The following COL24A1 variants were observed in gnomAD, a reference collection of about 807,000 sequenced individuals.
COL24A1 encodes collagen type XXIV alpha 1 chain.
Under a neutral mutation model 253.9 loss-of-function variants are expected in COL24A1, and 224 were observed. The ratio of observed to expected loss-of-function variants is 0.88; its 90% CI spans 0.79 to 0.99. The LOEUF (loss-of-function observed/expected upper bound fraction) is 0.99, where lower values mean the gene tolerates loss of function less well. COL24A1 is among the 50% of genes least tolerant of loss of function. COL24A1 has a pLI of 0.00. For missense variants in COL24A1, 2,131 were observed against 2,068.5 expected, an observed-to-expected ratio of 1.03 and a Z score of -0.59; for synonymous variants, 685 against 673.7, an observed-to-expected ratio of 1.02 and a Z score of -0.26.
chr1:85,804,566 G>A (rs749408220), intron 47 of COL24A1, among the ~76,000 whole-genome samples: 1 of 152,186 alleles, frequency 6.6e-6, no homozygotes, highest in Non-Finnish European at 1.5e-5. Flanking sequence ...TCACAATTAT[G>A]GTGGAAGGCA....
At chr1:85,759,066 G>T (rs1284792171) in intron 55 of COL24A1, among the ~76,000 whole-genome samples, 2 of 151,926 alleles carry the variant, frequency 1.3e-5, no homozygotes, top group African/African-American at 4.8e-5. Flanking sequence ...CTTATGATCC[G>T]CTGACCAATG....
At chr1:85,834,004 A>G (rs1240633084) in intron 43 of COL24A1, among the ~76,000 whole-genome samples, 1 of 151,398 alleles carries the variant, frequency 6.6e-6, no homozygotes, top group Non-Finnish European at 1.5e-5. Context: ...ATTAGGAGCT[A>G]TACCTAATGC....
intron 37 of COL24A1, among the ~76,000 whole-genome samples, chr1:85,855,268 T>C (rs1300292030): frequency 6.6e-6 from 1 of 152,102 alleles, no homozygotes; most frequent in Non-Finnish European, 1.5e-5. Context: ...CAGTACTATA[T>C]TAAGTAGGAG....
At chr1:85,777,036 A>G (rs181654496) in intron 52 of COL24A1, among the ~76,000 whole-genome samples, 272 of 151,580 alleles carry the variant, frequency 1.8e-3, no homozygotes, top group African/African-American at 5.1e-3. Flanking sequence ...TACAACCTCC[A>G]CCTCCTGGGT....
chr1:85,874,823 C>A, intron 34 of COL24A1, 121 bp from the exon 35 acceptor site: 1 of 1,054,242 alleles, frequency 9.5e-7, no homozygotes, highest in Non-Finnish European at 1.4e-6. Flanking sequence ...CTGTCCAAGG[C>A]CTGTTAGGAA....
intron 24 of COL24A1, among the ~76,000 whole-genome samples, chr1:85,925,851 C>T (rs1197583648): frequency 1.3e-5 from 2 of 152,090 alleles, no homozygotes; most frequent in Non-Finnish European, 2.9e-5. Flanking sequence ...AGAGCTTCTG[C>T]ACAGAAAAAG....
intron 14 of COL24A1, among the ~76,000 whole-genome samples, chr1:86,025,300 A>G (rs1269363191): frequency 6.6e-6 from 1 of 152,208 alleles, no homozygotes; most frequent in Non-Finnish European, 1.5e-5. Context: ...GGGATATGGC[A>G]TCAGAGACAG....
In COL24A1 at chr1:85,908,590, G is replaced by T; in HGVS notation, c.2724+8C>A. The T allele has an allele frequency of 7.0e-7, 1 of 1,432,806 alleles. No individual in the cohort carries two copies. The highest frequency in any genetic ancestry group is 9.4e-7 in the Non-Finnish European group (1 of 1,060,692). 88.8% of individuals were successfully genotyped at this position (1,432,806 alleles called of 1,614,324 possible). On this transcript the variant is annotated splice_region_variant and intron_variant, in intron 27 of 59. Transcript: ENST00000370571. ...CGGAAGGAATCATAAAGTCTTTCCT[G>T]TACTTACAGGTAATCCCAATGGACC...
At chr1:86,049,569 G>C (rs1303529768) in intron 11 of COL24A1, among the ~76,000 whole-genome samples, 1 of 152,038 alleles carries the variant, frequency 6.6e-6, no homozygotes, top group Non-Finnish European at 1.5e-5. Flanking sequence ...CATACAGATT[G>C]CATATAGCAC....
intron 2 of COL24A1, among the ~76,000 whole-genome samples, chr1:86,137,308 G>A (rs1650399674): frequency 6.6e-6 from 1 of 152,090 alleles, no homozygotes; most frequent in Non-Finnish European, 1.5e-5. Context: ...AATTATAGCA[G>A]CATGTATTAA....
chr1:85,786,508 G>A, intron 47 of COL24A1, 47 bp from the exon 48 acceptor site: 1 of 1,570,834 alleles, frequency 6.4e-7, no homozygotes, highest in South Asian at 1.1e-5. Context: ...TTTCTAAAAA[G>A]TCAGTTTAGA....
At chr1:85,775,544 A>G (rs769738902) in intron 53 of COL24A1, 130 bp downstream of exon 53, 7 of 727,846 alleles carry the variant, frequency 9.6e-6, no homozygotes, top group Admixed American at 9.2e-5. Context: ...CTTCCTGACA[A>G]CTGCAATTTT....
intron 43 of COL24A1, among the ~76,000 whole-genome samples, chr1:85,829,250 C>T (rs1201684811): frequency 2.6e-5 from 4 of 151,924 alleles, no homozygotes; most frequent in African/African-American, 7.2e-5. Flanking sequence ...TGATATTGGC[C>T]CCCACTCTCT....
intron 24 of COL24A1, among the ~76,000 whole-genome samples, chr1:85,934,804 A>G (rs969936607): frequency 2.0e-5 from 3 of 152,152 alleles, no homozygotes; most frequent in Non-Finnish European, 4.4e-5. Flanking sequence ...CAGAGACCAT[A>G]TGGCCCACAA....
intron 33 of COL24A1, among the ~76,000 whole-genome samples, chr1:85,876,243 A>T (rs1305763289): frequency 1.3e-5 from 2 of 152,098 alleles, no homozygotes; most frequent in Non-Finnish European, 2.9e-5. Flanking sequence ...GGGTAGATTT[A>T]AGAGAGAATG....
intron 47 of COL24A1, among the ~76,000 whole-genome samples, chr1:85,800,625 AC>A (rs1216081351): frequency 6.6e-6 from 1 of 152,168 alleles, no homozygotes; most frequent in Non-Finnish European, 1.5e-5. Context: ...TTTGAACACT[AC>A]AGCGTGTACT....
chr1:86,147,965 C>G (rs1187635664), intron 1 of COL24A1, among the ~76,000 whole-genome samples: 1 of 152,148 alleles, frequency 6.6e-6, no homozygotes, highest in Non-Finnish European at 1.5e-5. Context: ...GGCCTCACCC[C>G]CAGAATTTCT....
chr1:85,926,484 A>G (rs1687235773), intron 24 of COL24A1, among the ~76,000 whole-genome samples: 1 of 152,238 alleles, frequency 6.6e-6, no homozygotes, highest in African/African-American at 2.4e-5. Flanking sequence ...AATACTATGC[A>G]GCCATAAAAA....
At chr1:85,850,023 A>C (rs1235064282) in intron 37 of COL24A1, among the ~76,000 whole-genome samples, 3 of 152,210 alleles carry the variant, frequency 2.0e-5, no homozygotes, top group Non-Finnish European at 2.9e-5. Context: ...GTGGGAAAAA[A>C]AGAAGGAAAT....
Sources: allele counts gnomAD v4.1 joint callset (sites outside exome capture counted in the v4.1 genomes callset), GRCh38; gene constraint gnomAD v4.1.1; transcripts MANE v1.5; gene names NCBI Gene and HGNC (gene_info 2026-07-23, HGNC 2026-07-21).